RASA2: variants seen among roughly 807,000 people sequenced by gnomAD.
RASA2 encodes the protein RAS p21 protein activator 2.
RASA2 carries 155 observed loss-of-function variants against 118.2 expected under a neutral mutation model. The observed-to-expected ratio is 1.31, with a 90% CI of 1.15 to 1.50. The LOEUF is 1.50. Ranked by LOEUF, RASA2 falls within the 40% of genes most tolerant of loss-of-function variation. RASA2 has a pLI of 0.00. For synonymous variants in RASA2, 353 were observed against 349.1 expected (o/e 1.01, Z -0.12); for missense variants, 1,016 against 1,009.6 (o/e 1.01, Z -0.09).
chr3:141,600,507 G>T, intron 19 of RASA2: 2 of 318,590 alleles, frequency 6.3e-6, no homozygotes, highest in Admixed American at 4.1e-5. Flanking sequence ...CCTTCATGCA[G>T]GTGGCCATGT....
Position 141,540,611 on chromosome 3 carries a change from T to G in RASA2, c.527+2T>G. On this transcript the variant is annotated splice_donor_variant, in intron 5 of 23. Coordinates refer to ENST00000286364, the MANE Select transcript of RASA2 (RefSeq NM_006506.5). LOFTEE classifies it high-confidence loss of function. ...TGTATGCCAGCAGCTTGTTGTACAG[T>G]AAGCATTTTTTTTAACCAAAATCAA... The G allele has an allele frequency of 6.2e-7, 1 of 1,605,702 alleles. No homozygotes were observed. The highest frequency in any genetic ancestry group is 8.5e-7 in the Non-Finnish European group (1 of 1,174,536).
intron 1 of RASA2, among the ~76,000 whole-genome samples, chr3:141,498,944 T>C (rs900870861): frequency 6.6e-6 from 1 of 152,188 alleles, no homozygotes; most frequent in Non-Finnish European, 1.5e-5. Context: ...AGGGAGCTTG[T>C]AGATCAGCAC....
chr3:141,521,028 A>G (rs2082104792), intron 3 of RASA2, among the ~76,000 whole-genome samples: 1 of 152,240 alleles, frequency 6.6e-6, no homozygotes, highest in South Asian at 2.1e-4. Flanking sequence ...GAACACAGCA[A>G]GAACATTCAC....
At chr3:141,488,333 T>G (rs2081603312) in intron 1 of RASA2, among the ~76,000 whole-genome samples, 1 of 152,208 alleles carries the variant, frequency 6.6e-6, no homozygotes, top group Non-Finnish European at 1.5e-5. Context: ...TAACCCTCAA[T>G]TATGAGGGCG....
At chr3:141,515,009 G>A (rs1191888735) in intron 2 of RASA2, among the ~76,000 whole-genome samples, 3 of 152,022 alleles carry the variant, frequency 2.0e-5, no homozygotes, top group East Asian at 1.9e-4. Context: ...GTAACTGAAG[G>A]AGAGGCATAA....
At chr3:141,505,768 CTG>C (rs944083322) in intron 1 of RASA2, among the ~76,000 whole-genome samples, 13 of 140,412 alleles carry the variant, frequency 9.3e-5, no homozygotes, top group African/African-American at 3.0e-4. Context: ...ATACGTGTCT[CTG>C]TGTTTGTGTG....
At position 141,540,582 on chromosome 3, in the gene RASA2, G is replaced by A; in HGVS notation, c.500G>A (p.Gly167Glu). 1 of 1,612,730 alleles carries A rather than the reference G, an allele frequency of 6.2e-7. No individual in the cohort carries two copies. Among genetic ancestry groups the A allele is most frequent in the Non-Finnish European group, 8.5e-7 (1 of 1,179,122 alleles). The change falls in exon 5 of 24, where the codon GGA (glycine) becomes GAA (glutamate). Residue 167 changes from glycine (G) to glutamate (E), a missense_variant. By Grantham distance (98) the Gly-to-Glu change is moderately conservative. Around this residue, in one of 2 missense-constraint regions of RASA2, gnomAD observed 896 missense variants for 836.4 expected, o/e 1.07. Coordinates refer to ENST00000286364, the MANE Select transcript of RASA2 (RefSeq NM_006506.5). ...LKLNELITEN[G>E]TVCQQLVVHI... ...CTGAATGAACTGATAACGGAGAATGGAACTGTATGCCAGCAGCTTGTTGTA... is the reference window on the plus strand; with the variant it reads ...CTGAATGAACTGATAACGGAGAATGAAACTGTATGCCAGCAGCTTGTTGTA...
chr3:141,587,187 A>G (rs2083217895), intron 19 of RASA2, among the ~76,000 whole-genome samples: 1 of 152,174 alleles, frequency 6.6e-6, no homozygotes, highest in African/African-American at 2.4e-5. Flanking sequence ...TGTGATCCCT[A>G]TACAGTTGTC....
At chr3:141,561,611 A>G (rs1386871867) in intron 9 of RASA2, among the ~76,000 whole-genome samples, 1 of 152,214 alleles carries the variant, frequency 6.6e-6, no homozygotes, top group African/African-American at 2.4e-5. Context: ...CTCCTCCATC[A>G]ATTGTAGAGC....
intron 3 of RASA2, 145 bp from the exon 4 acceptor site, chr3:141,529,563 A>AATGCTTT (rs2082229540): frequency 2.1e-6 from 1 of 479,392 alleles, no homozygotes; most frequent in South Asian, 6.1e-5. Context: ...ATGTAGAAAA[A>AATGCTTT]ATGCTTTATA....
At chr3:141,505,495 A>G (rs1441094467) in intron 1 of RASA2, among the ~76,000 whole-genome samples, 1 of 152,258 alleles carries the variant, frequency 6.6e-6, no homozygotes, top group Non-Finnish European at 1.5e-5. Context: ...CATACAAAGA[A>G]AATAGCATTG....
At chr3:141,536,341 A>T (rs2082324914) in intron 4 of RASA2, among the ~76,000 whole-genome samples, 1 of 152,172 alleles carries the variant, frequency 6.6e-6, no homozygotes, top group Non-Finnish European at 1.5e-5. Context: ...CACAGGAAAG[A>T]CTGGCCCCCA....
At chr3:141,516,077 G>A (rs1458308976) in intron 2 of RASA2, among the ~76,000 whole-genome samples, 1 of 147,874 alleles carries the variant, frequency 6.8e-6, no homozygotes, top group Non-Finnish European at 1.5e-5. Context: ...GGGAGGGATA[G>A]CATTAGGAGA....
intron 1 of RASA2, among the ~76,000 whole-genome samples, chr3:141,504,767 G>A (rs548295723): frequency 1.2e-4 from 19 of 152,058 alleles, no homozygotes; most frequent in South Asian, 8.3e-4. Flanking sequence ...AGACTTTCCC[G>A]TGCCTGTAAG....
intron 19 of RASA2, among the ~76,000 whole-genome samples, chr3:141,588,809 G>A (rs1310524334): frequency 6.6e-6 from 1 of 151,760 alleles, no homozygotes; most frequent in Non-Finnish European, 1.5e-5. Context: ...AAAGTCAATA[G>A]GCTACATACA....
chr3:141,573,983 A>G lies in RASA2; in HGVS notation c.1399A>G (p.Ile467Val), dbSNP rs970930636. The G allele has an allele frequency of 1.3e-6, 2 of 1,591,588 alleles. No individual in the cohort carries two copies. Among genetic ancestry groups the G allele is most frequent in the Admixed American group, 1.7e-5 (1 of 58,650 alleles). Reference sequence around the variant, plus strand: ...CTATGTAGACAAGTTATTCAATACAATTGTAAAATCAAGTATGAGCTGCCC... The same window carrying G: ...CTATGTAGACAAGTTATTCAATACAGTTGTAAAATCAAGTATGAGCTGCCC... ...RYYVDKLFNT[I>V]VKSSMSCPTV... The change falls in exon 14 of 24, where the codon ATT becomes GTT. Residue 467 changes from isoleucine (I) to valine (V), a missense_variant. Physicochemically the swap from Ile to Val is conservative, Grantham distance 29. Around this residue, in one of 2 missense-constraint regions of RASA2, gnomAD observed 896 missense variants for 836.4 expected, o/e 1.07. Coordinates refer to ENST00000286364, the MANE Select transcript of RASA2 (RefSeq NM_006506.5).
rs570002849 is a variant in RASA2 at position 141,538,568 on chromosome 3, T to C, written c.451-1965T>C. On this transcript the variant is annotated intron_variant, in intron 4 of 23. Coordinates refer to ENST00000286364, the MANE Select transcript of RASA2 (RefSeq NM_006506.5). ...TATTTCTTTTGCTAAGGATAGTATG[T>C]ATTTCCTTGTTAAAGTATATAATGA... Among the ~76,000 whole-genome samples the C allele has an allele frequency of 4.4e-4, 67 of 152,302 alleles. 1 individual carries two copies. Among genetic ancestry groups the C allele is most frequent in the Non-Finnish European group, 4.3e-4 (29 of 68,016 alleles).
intron 1 of RASA2, among the ~76,000 whole-genome samples, chr3:141,500,724 A>G (rs78982303): frequency 0.031 from 4,680 of 152,312 alleles, 241 homozygotes; most frequent in African/African-American, 0.1. Flanking sequence ...TGGAGTATTC[A>G]TACTTACATG....
At chr3:141,569,339 T>C (rs2082875891) in intron 9 of RASA2, among the ~76,000 whole-genome samples, 1 of 152,310 alleles carries the variant, frequency 6.6e-6, no homozygotes, top group Admixed American at 6.5e-5. Context: ...TAGCAAACTT[T>C]TTTTTTTCCA....
Sources: allele counts gnomAD v4.1 joint callset (sites outside exome capture counted in the v4.1 genomes callset), GRCh38; gene constraint gnomAD v4.1.1; regional missense constraint gnomAD v4.1.1; transcripts MANE v1.5; gene names NCBI Gene and HGNC (gene_info 2026-07-23, HGNC 2026-07-21).